The following EPB41L4A variants were observed in gnomAD, a reference collection of about 807,000 sequenced individuals.
EPB41L4A encodes band 4.1-like protein 4A.
Under a neutral mutation model 108.6 loss-of-function variants are expected in EPB41L4A, and 100 were observed. The observed-to-expected ratio is 0.92, with a 90% CI of 0.78 to 1.09. The LOEUF is 1.09. Ranked by LOEUF, EPB41L4A falls within the 50% of genes least tolerant of loss-of-function variation. The pLI, the probability that EPB41L4A is intolerant of heterozygous loss-of-function variation, is 0.00. For synonymous variants in EPB41L4A, 319 were observed against 289.0 expected (o/e 1.10, Z -1.05); for missense variants, 1,030 against 842.7 (o/e 1.22, Z -2.75).
chr5:112,200,052 G>A (rs1365643816), intron 15 of EPB41L4A, among the ~76,000 whole-genome samples: 1 of 152,198 alleles, frequency 6.6e-6, no homozygotes, highest in Non-Finnish European at 1.5e-5. Context: ...CAAAGTCCAG[G>A]TGGGCTGTAA....
At chr5:112,318,577 A>G (rs950069601) in intron 1 of EPB41L4A, among the ~76,000 whole-genome samples, 2 of 152,190 alleles carry the variant, frequency 1.3e-5, no homozygotes, top group African/African-American at 4.8e-5. Flanking sequence ...TGCCTAATCA[A>G]TACCAACGAG....
At chr5:112,243,652 G>A in intron 9 of EPB41L4A, among the ~76,000 whole-genome samples, 1 of 152,160 alleles carries the variant, frequency 6.6e-6, no homozygotes, top group East Asian at 1.9e-4. Flanking sequence ...TGGATTACTT[G>A]CTGCAGCTTC....
In EPB41L4A at chr5:112,213,423, A is replaced by G. The variant is rs927001998; in HGVS notation, c.1088-3441T>C. Among the ~76,000 whole-genome samples, 3 of 150,678 alleles carry G rather than the reference A, an allele frequency of 2.0e-5. No homozygotes were observed. The East Asian group carries it at 5.8e-4, about 29-fold the overall frequency. ...GAGTGCAGTGGCACGATCTCAGCTC[A>G]CTGCAACCTCTGCCTCCTGGGTTCA... On this transcript the variant is annotated intron_variant, in intron 12 of 22. Coordinates refer to ENST00000261486, the MANE Select transcript of EPB41L4A (RefSeq NM_022140.5).
At chr5:112,409,492 A>G (rs1163859470) in intron 1 of EPB41L4A, among the ~76,000 whole-genome samples, 1 of 152,228 alleles carries the variant, frequency 6.6e-6, no homozygotes, top group Non-Finnish European at 1.5e-5. Context: ...TATACAATTT[A>G]TATCTCAATA....
chr5:112,317,444 G>C (rs1321800944), intron 1 of EPB41L4A, among the ~76,000 whole-genome samples: 1 of 152,206 alleles, frequency 6.6e-6, no homozygotes, highest in African/African-American at 2.4e-5. Context: ...AAAGGGAAAA[G>C]GCAGAGACTC....
At chr5:112,224,510 T>G (rs1438276603) in intron 12 of EPB41L4A, among the ~76,000 whole-genome samples, 1 of 152,210 alleles carries the variant, frequency 6.6e-6, no homozygotes, top group African/African-American at 2.4e-5. Flanking sequence ...GAGGAATCTT[T>G]AAAGCTTACA....
intron 3 of EPB41L4A, 82 bp downstream of exon 3, chr5:112,280,190 G>T: frequency 1.7e-6 from 2 of 1,205,758 alleles, no homozygotes; most frequent in Non-Finnish European, 2.5e-6. Context: ...CAGTACTAAA[G>T]CCCACTTCTG....
intron 2 of EPB41L4A, among the ~76,000 whole-genome samples, chr5:112,285,088 T>C (rs1753201955): frequency 6.6e-6 from 1 of 152,128 alleles, no homozygotes; most frequent in Non-Finnish European, 1.5e-5. Flanking sequence ...CCCTAAAAAA[T>C]TTTTAAAAAG....
At chr5:112,262,037 G>A (rs927504789) in intron 7 of EPB41L4A, among the ~76,000 whole-genome samples, 9 of 151,736 alleles carry the variant, frequency 5.9e-5, no homozygotes, top group African/African-American at 1.7e-4. Flanking sequence ...GATTACAGGC[G>A]CCCGCCACCA....
At position 112,267,053 on chromosome 5, in the gene EPB41L4A, T is replaced by C. The variant is rs555619635; in HGVS notation, c.336-723A>G. On this transcript the variant is annotated intron_variant, in intron 4 of 22. Transcript: ENST00000261486. ...AGAGTTAGAGCTAGAACCCAAGCAA[T>C]CTGACCCTGGAACTCTATCAATCAG... Among the ~76,000 whole-genome samples the C allele has an allele frequency of 2.0e-5, 3 of 152,314 alleles. No homozygotes were observed. The East Asian group carries it at 5.8e-4, about 29-fold the overall frequency.
intron 10 of EPB41L4A, among the ~76,000 whole-genome samples, chr5:112,240,487 C>T (rs1300740935): frequency 6.6e-6 from 1 of 152,126 alleles, no homozygotes; most frequent in Non-Finnish European, 1.5e-5. Context: ...TCCTTTCTTG[C>T]AGTATCAAAG....
intron 1 of EPB41L4A, among the ~76,000 whole-genome samples, chr5:112,370,590 C>A (rs188467141): frequency 1.3e-5 from 2 of 152,094 alleles, no homozygotes; most frequent in African/African-American, 2.4e-5. Flanking sequence ...TAGAAAAGTT[C>A]GATTTTCCAG....
intron 18 of EPB41L4A, among the ~76,000 whole-genome samples, chr5:112,177,639 C>A (rs1400992776): frequency 6.6e-6 from 1 of 152,074 alleles, no homozygotes; most frequent in African/African-American, 2.4e-5. Context: ...CATTTTAATA[C>A]GAGGCTTCTA....
At chr5:112,396,259 T>A (rs1761345340) in intron 1 of EPB41L4A, among the ~76,000 whole-genome samples, 1 of 151,776 alleles carries the variant, frequency 6.6e-6, no homozygotes, top group Admixed American at 6.6e-5. Flanking sequence ...TAAAAAAAAT[T>A]AAAAAAAAGA....
intron 1 of EPB41L4A, among the ~76,000 whole-genome samples, chr5:112,400,016 T>C (rs1187035774): frequency 6.6e-6 from 1 of 152,250 alleles, no homozygotes; most frequent in Non-Finnish European, 1.5e-5. Context: ...GGTGTATTAG[T>C]CCATTTTCGC....
chr5:112,313,672 C>A (rs915504636), intron 1 of EPB41L4A, among the ~76,000 whole-genome samples: 1 of 152,002 alleles, frequency 6.6e-6, no homozygotes, highest in Non-Finnish European at 1.5e-5. Flanking sequence ...GAAAAGGCAA[C>A]CAGGCAGAAA....
chr5:112,360,915 G>A (rs892513384), intron 1 of EPB41L4A, among the ~76,000 whole-genome samples: 1 of 151,412 alleles, frequency 6.6e-6, no homozygotes, highest in African/African-American at 2.4e-5. Flanking sequence ...GAGTGTCTCT[G>A]CCCCGCCGCC....
chr5:112,315,894 A>G (rs902129728), intron 1 of EPB41L4A, among the ~76,000 whole-genome samples: 1 of 152,222 alleles, frequency 6.6e-6, no homozygotes, highest in African/African-American at 2.4e-5. Flanking sequence ...TTTTATAACT[A>G]ATCAGCAAAA....
intron 9 of EPB41L4A, among the ~76,000 whole-genome samples, chr5:112,254,068 C>T (rs941563151): frequency 6.6e-6 from 1 of 152,150 alleles, no homozygotes; most frequent in African/African-American, 2.4e-5. Context: ...TACATCCTGT[C>T]ACACGGGGTA....
Sources: gnomAD v4.1 joint callset for allele counts (sites outside exome capture counted in the v4.1 genomes callset) on GRCh38, gnomAD v4.1.1 for gene constraint, MANE v1.5 for transcripts, NCBI Gene and HGNC (gene_info 2026-07-23, HGNC 2026-07-21) for gene names.